Variants in CHST8 observed in about 807,000 individuals in gnomAD.
The protein encoded by CHST8 is carbohydrate sulfotransferase 8.
A neutral mutation model predicts 15.0 loss-of-function variants in CHST8; 10 were observed. That is an observed-to-expected ratio of 0.67 (90% confidence interval 0.41 to 1.13). The LOEUF (loss-of-function observed/expected upper bound fraction) is 1.13, where lower values mean the gene tolerates loss of function less well. CHST8 is among the 50% of genes most tolerant of loss of function. CHST8 has a pLI of 0.00. For synonymous variants in CHST8, 259 were observed against 256.6 expected (o/e 1.01, Z -0.09); for missense variants, 634 against 608.2 (o/e 1.04, Z -0.45).
chr19:33,734,902 C>T (rs1974056035), intron 3 of CHST8, among the ~76,000 whole-genome samples: 1 of 152,134 alleles, frequency 6.6e-6, no homozygotes, highest in African/African-American at 2.4e-5. Context: ...CTGAAACATC[C>T]CCTGACCCCA....
At chr19:33,736,120 A>G (rs778047958) in intron 3 of CHST8, among the ~76,000 whole-genome samples, 16 of 152,204 alleles carry the variant, frequency 1.1e-4, no homozygotes, top group Non-Finnish European at 1.6e-4. Flanking sequence ...CTATGGTGTC[A>G]TAGACCCTCA....
At chr19:33,718,313 G>T (rs932997449) in intron 3 of CHST8, among the ~76,000 whole-genome samples, 1 of 151,458 alleles carries the variant, frequency 6.6e-6, no homozygotes, top group South Asian at 2.1e-4. Flanking sequence ...TGAACTCCTG[G>T]ACTCAAGTGA....
chr19:33,647,063 C>G (rs556274689), intron 1 of CHST8, among the ~76,000 whole-genome samples: 36 of 152,208 alleles, frequency 2.4e-4, no homozygotes, highest in Non-Finnish European at 4.4e-5. Context: ...CTCTCGCAGT[C>G]GTATTACAAA....
chr19:33,762,141 G>A (rs995463891), intron 3 of CHST8, among the ~76,000 whole-genome samples: 6 of 152,186 alleles, frequency 3.9e-5, no homozygotes, highest in Non-Finnish European at 8.8e-5. Context: ...GGGTGGCGCG[G>A]GTGTGCTGGG....
chr19:33,765,242 G>A (rs1220775368), intron 3 of CHST8, among the ~76,000 whole-genome samples: 11 of 151,900 alleles, frequency 7.2e-5, no homozygotes, highest in Middle Eastern at 3.4e-3. Flanking sequence ...GCCAAGGAAC[G>A]CCTGGGCTGT....
At chr19:33,685,677 TC>T (rs1298855801) in intron 2 of CHST8, among the ~76,000 whole-genome samples, 2 of 152,046 alleles carry the variant, frequency 1.3e-5, no homozygotes, top group African/African-American at 4.8e-5. Flanking sequence ...TTATGCCTCA[TC>T]CCCCAGCCTT....
rs368651953 is a variant in CHST8, at chr19:33,772,098, C to T, written c.310C>T (p.Arg104Cys). The stretch of plus-strand genomic sequence containing the variant: ...TCAACCCCCGCTGCAGAGGGGAACC[C>T]GTCTGCGGCTCCGCCAGCGCCGTCG... ...QPQPPLQRGTRLRLRQRRRRL... is the reference protein window; with the variant it reads ...QPQPPLQRGTCLRLRQRRRRL... Residue 104 changes from arginine to cysteine, a missense_variant, in exon 5 of 5, where the codon CGT becomes TGT. Transcript: ENST00000650847. 1.6e-5 allele frequency: 26 copies of T among 1,611,782 alleles called. No homozygotes were observed. The highest frequency in any genetic ancestry group is 4.5e-5 in the East Asian group (2 of 44,870).
Position 33,689,223 on chromosome 19 carries a change from C to A in CHST8, c.-39C>A. On this transcript the variant is annotated 5_prime_UTR_variant, in exon 3 of 5. Coordinates refer to ENST00000650847, the MANE Select transcript of CHST8 (RefSeq NM_001127895.2). ...GTGTGGACGATGAGGGAAGAACGTG[C>A]CCCCCACACCCAAGAGGTGACCCCT... is the stretch of plus-strand genomic sequence containing the variant. The A allele has an allele frequency of 2.7e-6, 4 of 1,500,304 alleles. No homozygotes were observed. The highest frequency in any genetic ancestry group is 1.8e-4 in the Middle Eastern group (1 of 5,568). 92.9% of individuals were successfully genotyped at this position (1,500,304 alleles called of 1,614,324 possible).
At chr19:33,673,439 G>A (rs1272599677) in intron 2 of CHST8, among the ~76,000 whole-genome samples, 1 of 152,226 alleles carries the variant, frequency 6.6e-6, no homozygotes, top group Non-Finnish European at 1.5e-5. Flanking sequence ...GGGGCAGGGG[G>A]AGTGGTGGAG....
chr19:33,669,386 G>A (rs1012445036), intron 2 of CHST8, among the ~76,000 whole-genome samples: 1 of 152,188 alleles, frequency 6.6e-6, no homozygotes, highest in African/African-American at 2.4e-5. Context: ...TGCAAAGATG[G>A]CGACGTGCAC....
chr19:33,674,130 G>C (rs986168457), intron 2 of CHST8, among the ~76,000 whole-genome samples: 11 of 152,174 alleles, frequency 7.2e-5, no homozygotes, highest in African/African-American at 2.2e-4. Context: ...AGGAGATTTT[G>C]GTTAGGGTCT....
At chr19:33,646,109 CAG>C (rs1453628248) in intron 1 of CHST8, among the ~76,000 whole-genome samples, 72 of 141,862 alleles carry the variant, frequency 5.1e-4, no homozygotes, top group African/African-American at 1.8e-3. Flanking sequence ...GCCTGGGAGA[CAG>C]AGTAAGACTC....
intron 1 of CHST8, among the ~76,000 whole-genome samples, chr19:33,648,080 T>C (rs1972376662): frequency 6.6e-6 from 1 of 151,848 alleles, no homozygotes; most frequent in East Asian, 1.9e-4. Flanking sequence ...TTGGAGCTGG[T>C]GGATGTGGGG....
intron 3 of CHST8, among the ~76,000 whole-genome samples, chr19:33,744,669 A>G (rs1974276391): frequency 6.6e-6 from 1 of 152,112 alleles, no homozygotes; most frequent in Non-Finnish European, 1.5e-5. Context: ...GGCTCAAGCA[A>G]TCCTTCCACC....
At chr19:33,637,820 A>C (rs1387561589) in intron 1 of CHST8, among the ~76,000 whole-genome samples, 1 of 147,494 alleles carries the variant, frequency 6.8e-6, no homozygotes, top group African/African-American at 2.5e-5. Context: ...CTATGATGGC[A>C]CCACTGGACT....
chr19:33,674,635 G>A (rs10416106), intron 2 of CHST8, among the ~76,000 whole-genome samples: 36,144 of 152,126 alleles, frequency 0.24, 4,732 homozygotes, highest in African/African-American at 0.33. Flanking sequence ...GAGAGCGGGC[G>A]GAGAGGGGAT....
intron 3 of CHST8, among the ~76,000 whole-genome samples, chr19:33,735,259 G>A (rs1453417850): frequency 6.6e-6 from 1 of 152,216 alleles, no homozygotes. Flanking sequence ...TCCATGGGGA[G>A]GGAGGGGGTA....
intron 1 of CHST8, among the ~76,000 whole-genome samples, chr19:33,623,495 G>C (rs1289041058): frequency 2.0e-5 from 3 of 152,216 alleles, no homozygotes; most frequent in Non-Finnish European, 4.4e-5. Context: ...GGTGGAGAGG[G>C]GCGGGGGACA....
Position 33,659,059 on chromosome 19 carries a change from C to CTTTTTTTTTTTTTTT in CHST8, c.-163-8699_-163-8685dup, listed in dbSNP as rs71181374. Among the ~76,000 whole-genome samples, 3 of 78,842 alleles carry CTTTTTTTTTTTTTTT rather than the reference C, an allele frequency of 3.8e-5. 1 individual carries two copies. The highest frequency in any genetic ancestry group is 4.1e-4 in the Admixed American group (2 of 4,858). 51.7% of individuals were successfully genotyped at this position (78,842 alleles called of 152,430 possible). A position where few individuals can be genotyped will look rare whatever the true frequency, so the allele number is the denominator to read the frequency against. ...TTATTGTTTCATGGTTAGGTAATGA[C>CTTTTTTTTTTTTTTT]TTTTTTTTTTTTTTTTTTTTTTTGA... On this transcript the variant is annotated intron_variant, in intron 1 of 4. Transcript: ENST00000650847.
Sources: allele counts gnomAD v4.1 joint callset (sites outside exome capture counted in the v4.1 genomes callset), GRCh38; gene constraint gnomAD v4.1.1; transcripts MANE v1.5; gene names NCBI Gene and HGNC (gene_info 2026-07-23, HGNC 2026-07-21).